The following PKNOX2 variants were observed in gnomAD, a reference collection of about 807,000 sequenced individuals.
PKNOX2 encodes the protein homeobox protein PKNOX2.
PKNOX2 carries 14 observed loss-of-function variants against 53.1 expected under a neutral mutation model. The ratio of observed to expected loss-of-function variants is 0.26; its 90% confidence interval spans 0.17 to 0.41. The LOEUF (loss-of-function observed/expected upper bound fraction) is 0.41. Among genes scored for constraint, PKNOX2 ranks in the 10% least tolerant of loss-of-function variants. The probability of loss-of-function intolerance (pLI) is 1.00; values close to 1 mark genes in which losing one functional copy is unlikely to be tolerated. For missense variants in PKNOX2, 496 were observed against 602.8 expected (o/e 0.82, Z 1.85); for synonymous variants, 257 against 242.8 (o/e 1.06, Z -0.54).
chr11:125,398,431 T>G (rs1282880129), intron 7 of PKNOX2, among the ~76,000 whole-genome samples: 1 of 152,218 alleles, frequency 6.6e-6, no homozygotes, highest in Non-Finnish European at 1.5e-5. Context: ...GGCTGCGGCT[T>G]GCTGAGCCAT....
At chr11:125,287,185 C>A (rs556921887) in intron 2 of PKNOX2, among the ~76,000 whole-genome samples, 22 of 152,316 alleles carry the variant, frequency 1.4e-4, no homozygotes, top group Admixed American at 2.6e-4. Context: ...AGAGGTTCCT[C>A]AGCTTGCTTA....
intron 10 of PKNOX2, among the ~76,000 whole-genome samples, chr11:125,414,337 A>T (rs1439778404): frequency 6.6e-6 from 1 of 152,186 alleles, no homozygotes; most frequent in Non-Finnish European, 1.5e-5. Context: ...TGCCCTCTCC[A>T]GCCTGGCAGT....
At chr11:125,401,333 G>A (rs1014021839) in intron 7 of PKNOX2, among the ~76,000 whole-genome samples, 3 of 152,186 alleles carry the variant, frequency 2.0e-5, no homozygotes, top group African/African-American at 7.2e-5. Context: ...CAAGTGAAAG[G>A]ACAATGCATG....
intron 2 of PKNOX2, among the ~76,000 whole-genome samples, chr11:125,325,231 C>A (rs992861694): frequency 2.6e-5 from 4 of 152,320 alleles, no homozygotes; most frequent in African/African-American, 4.8e-5. Context: ...TCTGGCATTC[C>A]TGCTTATCCG....
At chr11:125,389,527 C>T (rs1953895439) in intron 6 of PKNOX2, among the ~76,000 whole-genome samples, 1 of 152,196 alleles carries the variant, frequency 6.6e-6, no homozygotes, top group Non-Finnish European at 1.5e-5. Context: ...TCACTCCCTC[C>T]ACTCCAATTC....
intron 1 of PKNOX2, among the ~76,000 whole-genome samples, chr11:125,217,437 C>G (rs1170626171): frequency 2.6e-5 from 4 of 152,198 alleles, no homozygotes; most frequent in Non-Finnish European, 5.9e-5. Context: ...GGATCATGGC[C>G]ATGGACATTC....
intron 6 of PKNOX2, among the ~76,000 whole-genome samples, chr11:125,392,635 ATTTTACTTTTG>A (rs1954119608): frequency 6.6e-6 from 1 of 152,166 alleles, no homozygotes. Flanking sequence ...TTCTGAGTAT[ATTTTACTTTTG>A]TTTTACTTAC....
At chr11:125,282,871 G>A (rs1946655356) in intron 2 of PKNOX2, among the ~76,000 whole-genome samples, 1 of 152,238 alleles carries the variant, frequency 6.6e-6, no homozygotes, top group South Asian at 2.1e-4. Flanking sequence ...CACATAGCCA[G>A]CCGGGCATGC....
chr11:125,198,754 GT>G (rs1938059670), intron 1 of PKNOX2, among the ~76,000 whole-genome samples: 1 of 151,446 alleles, frequency 6.6e-6, no homozygotes, highest in African/African-American at 2.4e-5. Context: ...CTGATTTTTT[GT>G]TCTTTTGCAG....
chr11:125,209,253 G>A (rs1336207868), intron 1 of PKNOX2, among the ~76,000 whole-genome samples: 2 of 152,018 alleles, frequency 1.3e-5, no homozygotes, highest in Admixed American at 6.6e-5. Context: ...AAACAGGCAG[G>A]GCCAAGAAGT....
intron 2 of PKNOX2, among the ~76,000 whole-genome samples, chr11:125,263,913 G>A (rs1245321511): frequency 6.6e-6 from 1 of 152,192 alleles, no homozygotes; most frequent in East Asian, 1.9e-4. Flanking sequence ...CGTATAAGGG[G>A]GTGCGGGGAG....
intron 2 of PKNOX2, chr11:125,266,695 A>T (rs960086765): frequency 6.6e-6 from 1 of 151,924 alleles, no homozygotes; most frequent in African/African-American, 2.4e-5. Context: ...TGTCCCTCTC[A>T]CTCTGCGTGT....
chr11:125,344,610 T>A (rs886379922), intron 3 of PKNOX2, among the ~76,000 whole-genome samples: 7 of 152,188 alleles, frequency 4.6e-5, no homozygotes, highest in African/African-American at 1.4e-4. Context: ...GGGCATGACC[T>A]GGCACCACCT....
intron 2 of PKNOX2, among the ~76,000 whole-genome samples, chr11:125,290,539 C>T (rs1947241768): frequency 6.6e-6 from 1 of 152,158 alleles, no homozygotes; most frequent in Non-Finnish European, 1.5e-5. Context: ...GAGTCTACTC[C>T]ACAAGCTCGA....
rs1952452231 is a variant in PKNOX2, at chr11:125,370,237, G to A, written c.227+2252G>A. ...GATAAGAATCAATGAGACGGCCCGT[G>A]GAGGCACCTGGCCCTGCGTCCAGCA... is the stretch of plus-strand genomic sequence containing the variant. On this transcript the variant is annotated intron_variant, in intron 5 of 12. Transcript: ENST00000298282. The surrounding 1 kb of genome is among the most constrained non-coding windows in gnomAD (Gnocchi z 4.1). Among the ~76,000 whole-genome samples, 1 of 152,146 alleles carries A rather than the reference G, an allele frequency of 6.6e-6. No homozygotes were observed. Among genetic ancestry groups the A allele is most frequent in the South Asian group, 2.1e-4 (1 of 4,832 alleles).
At chr11:125,415,771 C>CTAAAT (rs1257301854) in intron 10 of PKNOX2, among the ~76,000 whole-genome samples, 1 of 152,144 alleles carries the variant, frequency 6.6e-6, no homozygotes, top group African/African-American at 2.4e-5. Flanking sequence ...CTAAATATGC[C>CTAAAT]ATCGATGTTC....
chr11:125,287,716 T>G (rs1947000856), intron 2 of PKNOX2: 1 of 152,278 alleles, frequency 6.6e-6, no homozygotes, highest in African/African-American at 2.4e-5. Flanking sequence ...ATGAATCTTC[T>G]TCCTCCCAGG....
intron 1 of PKNOX2, among the ~76,000 whole-genome samples, chr11:125,217,441 G>A (rs527519293): frequency 1.3e-5 from 2 of 152,302 alleles, no homozygotes; most frequent in East Asian, 3.9e-4. Context: ...CATGGCCATG[G>A]ACATTCACAC....
chr11:125,229,622 G>T (rs1054836091), intron 1 of PKNOX2, among the ~76,000 whole-genome samples: 2 of 152,184 alleles, frequency 1.3e-5, no homozygotes, highest in African/African-American at 2.4e-5. Flanking sequence ...GGCAGGGTTG[G>T]TAGGGTGGAT....
Sources: allele counts gnomAD v4.1 joint callset (sites outside exome capture counted in the v4.1 genomes callset), GRCh38; gene constraint gnomAD v4.1.1; non-coding constraint Gnocchi (gnomAD v3.1); transcripts MANE v1.5; gene names NCBI Gene and HGNC (gene_info 2026-07-23, HGNC 2026-07-21).